The following CRPPA variants were observed in gnomAD, a reference collection of about 807,000 sequenced individuals.
CRPPA encodes D-ribitol-5-phosphate cytidylyltransferase.
A neutral mutation model predicts 52.0 loss-of-function variants in CRPPA; 43 were observed. The ratio of observed to expected loss-of-function variants is 0.83; its 90% CI spans 0.65 to 1.07. CRPPA has a LOEUF of 1.07. Ranked by LOEUF, CRPPA falls within the 50% of genes least tolerant of loss-of-function variation. The pLI, the probability that CRPPA is intolerant of heterozygous loss-of-function variation, is 0.00. For synonymous variants in CRPPA, 250 were observed against 203.5 expected (o/e 1.23, Z -1.94); for missense variants, 629 against 551.7 (o/e 1.14, Z -1.40).
chr7:16,116,599 T>A (rs1256391958), intron 9 of CRPPA, among the ~76,000 whole-genome samples: 7 of 139,054 alleles, frequency 5.0e-5, no homozygotes, highest in African/African-American at 1.6e-4. Flanking sequence ...GAGATGGAGG[T>A]TGCAGTGAGC....
chr7:16,215,987 C>T, intron 9 of CRPPA, 79 bp downstream of exon 9: 1 of 1,110,784 alleles, frequency 9.0e-7, no homozygotes. Context: ...ATAATATCCT[C>T]CTGCTTTTAA....
rs1294643637 is a variant in CRPPA at position 16,352,422 on chromosome 7, T to TA, written c.684+23669_684+23670insT. On this transcript the variant is annotated intron_variant, in intron 3 of 9. Coordinates refer to ENST00000407010, the MANE Select transcript of CRPPA (RefSeq NM_001101426.4). Reference sequence around the variant, plus strand: ...CTTAAAAATAAATACAACAAAAAATTTAAAAAAAAAATAAATGTGCAAAGG... The same window carrying TA: ...CTTAAAAATAAATACAACAAAAAATTATAAAAAAAAAATAAATGTGCAAAGG... Among the ~76,000 whole-genome samples the TA allele has an allele frequency of 2.8e-3, 213 of 76,680 alleles. 1 individual carries two copies. The highest frequency in any genetic ancestry group is 6.5e-3 in the Admixed American group (44 of 6,740). 50.3% of individuals were successfully genotyped at this position (76,680 alleles called of 152,430 possible).
At chr7:16,264,997 T>C (rs560534147) in intron 6 of CRPPA, among the ~76,000 whole-genome samples, 3 of 152,322 alleles carry the variant, frequency 2.0e-5, no homozygotes, top group East Asian at 3.9e-4. Context: ...AGAATTTATA[T>C]GAGGATTGGC....
intron 9 of CRPPA, among the ~76,000 whole-genome samples, chr7:16,178,038 C>G (rs1405340740): frequency 1.4e-5 from 2 of 147,906 alleles, no homozygotes; most frequent in Non-Finnish European, 3.0e-5. Flanking sequence ...ATGAAGATTT[C>G]TTGGCTGTTG....
intron 9 of CRPPA, among the ~76,000 whole-genome samples, chr7:16,124,892 T>C (rs1782546511): frequency 6.6e-6 from 1 of 151,910 alleles, no homozygotes; most frequent in Admixed American, 6.6e-5. Flanking sequence ...TAATCTCCTA[T>C]TTTCATTGAG....
intron 3 of CRPPA, among the ~76,000 whole-genome samples, chr7:16,345,746 A>ACT (rs34615521): frequency 0.17 from 25,048 of 151,218 alleles, 2,569 homozygotes; most frequent in South Asian, 0.42. Flanking sequence ...CTAAAATGTC[A>ACT]CTCTCAGTCC....
In CRPPA at chr7:16,088,603, A is replaced by AGTG. The variant is rs1781748283; in HGVS notation, c.*3091_*3092insCAC. The stretch of plus-strand genomic sequence containing the variant: ...TGGCTATTTTTTTTGTATTTTTACT[A>AGTG]GAGACGGGGTTTCACCGCATTAGCC... On this transcript the variant is annotated 3_prime_UTR_variant, in exon 10 of 10. Coordinates refer to ENST00000407010, the MANE Select transcript of CRPPA (RefSeq NM_001101426.4). 2 of 152,286 alleles carry AGTG rather than the reference A, an allele frequency of 1.3e-5. No individual in the cohort carries two copies. Among genetic ancestry groups the AGTG allele is most frequent in the South Asian group, 2.1e-4 (1 of 4,826 alleles). The allele number at this position is 152,286 out of a possible 1,614,324, so 9.4% of individuals were successfully genotyped here. A position where few individuals can be genotyped will look rare whatever the true frequency, so the allele number is the denominator to read the frequency against.
At chr7:16,324,741 A>G (rs1046473760) in intron 3 of CRPPA, among the ~76,000 whole-genome samples, 1 of 152,232 alleles carries the variant, frequency 6.6e-6, no homozygotes, top group African/African-American at 2.4e-5. Flanking sequence ...ACTGACAAAA[A>G]TGAGATGAAA....
chr7:16,151,658 GCTTT>G (rs757072241), intron 9 of CRPPA, among the ~76,000 whole-genome samples: 1 of 151,582 alleles, frequency 6.6e-6, no homozygotes, highest in Non-Finnish European at 1.5e-5. Context: ...TCTTCCATAC[GCTTT>G]CTATTAATAT....
At chr7:16,402,036 G>C (rs956781865) in intron 2 of CRPPA, among the ~76,000 whole-genome samples, 3 of 152,134 alleles carry the variant, frequency 2.0e-5, no homozygotes, top group East Asian at 3.9e-4. Context: ...GGAAGAATGA[G>C]GACTAAGACC....
chr7:16,161,234 G>C (rs1194381934), intron 9 of CRPPA, among the ~76,000 whole-genome samples: 3 of 152,178 alleles, frequency 2.0e-5, no homozygotes, highest in Non-Finnish European at 4.4e-5. Flanking sequence ...AATAGGAGTG[G>C]TGAGAGAGGG....
intron 1 of CRPPA, among the ~76,000 whole-genome samples, chr7:16,414,887 TG>T (rs1202112737): frequency 1.4e-4 from 22 of 152,240 alleles, no homozygotes; most frequent in Non-Finnish European, 2.6e-4. Context: ...TGCACAATTC[TG>T]GACTACCATT....
intron 9 of CRPPA, among the ~76,000 whole-genome samples, chr7:16,113,665 G>A (rs1481883079): frequency 6.6e-6 from 1 of 151,722 alleles, no homozygotes; most frequent in Non-Finnish European, 1.5e-5. Context: ...AAAATCAACA[G>A]CAAAAACTAC....
At chr7:16,120,848 A>G (rs2128369727) in intron 9 of CRPPA, among the ~76,000 whole-genome samples, 1 of 140,820 alleles carries the variant, frequency 7.1e-6, no homozygotes, top group South Asian at 2.1e-4. Context: ...ATAATTCTGA[A>G]AAGATAAGGA....
chr7:16,398,260 C>T (rs536965941), intron 2 of CRPPA, among the ~76,000 whole-genome samples: 1 of 151,898 alleles, frequency 6.6e-6, no homozygotes, highest in Non-Finnish European at 1.5e-5. Flanking sequence ...GTGACTCACA[C>T]GTGACCAGTG....
At chr7:16,258,035 G>A (rs907860520) in intron 8 of CRPPA, among the ~76,000 whole-genome samples, 2 of 151,902 alleles carry the variant, frequency 1.3e-5, no homozygotes, top group African/African-American at 4.8e-5. Context: ...ATTAACATCT[G>A]GAATGCTTCC....
intron 3 of CRPPA, among the ~76,000 whole-genome samples, chr7:16,326,815 G>A (rs535883119): frequency 5.3e-5 from 8 of 152,152 alleles, no homozygotes; most frequent in African/African-American, 1.7e-4. Flanking sequence ...ATAGCAAAAA[G>A]GTACAACAAA....
intron 9 of CRPPA, among the ~76,000 whole-genome samples, chr7:16,171,091 G>C (rs1302211966): frequency 6.6e-6 from 1 of 152,252 alleles, no homozygotes. Flanking sequence ...GAGGCACTGA[G>C]AGCGAGTGAG....
intron 9 of CRPPA, among the ~76,000 whole-genome samples, chr7:16,179,753 G>A (rs578029167): frequency 4.3e-4 from 66 of 152,122 alleles, no homozygotes; most frequent in Admixed American, 1.6e-3. Flanking sequence ...ACAGCAACAC[G>A]AAACTGATAC....
Sources: gnomAD v4.1 joint callset for allele counts (sites outside exome capture counted in the v4.1 genomes callset) on GRCh38, gnomAD v4.1.1 for gene constraint, MANE v1.5 for transcripts, NCBI Gene and HGNC (gene_info 2026-07-23, HGNC 2026-07-21) for gene names.